Variants in ATG5 observed in about 807,000 individuals in gnomAD.
ATG5 encodes the protein autophagy related 5, also known as autophagy protein 5.
Under a neutral mutation model 36.5 loss-of-function variants are expected in ATG5, and 14 were observed. The ratio of observed to expected loss-of-function variants is 0.38; its 90% CI spans 0.25 to 0.60. The LOEUF is 0.60. Ranked by LOEUF, ATG5 falls within the 20% of genes least tolerant of loss-of-function variation. ATG5 has a pLI of 0.60. For synonymous variants in ATG5, 95 were observed against 101.5 expected, an observed-to-expected ratio of 0.94 and a Z score of 0.38; for missense variants, 195 against 326.7, an observed-to-expected ratio of 0.60 and a Z score of 3.11.
chr6:106,312,424 A>C (rs77116795), intron 2 of ATG5, among the ~76,000 whole-genome samples: 7,030 of 152,164 alleles, frequency 0.046, 211 homozygotes, highest in Non-Finnish European at 0.076. Flanking sequence ...CTAAGTGAGG[A>C]TCTCCAGCAG....
intron 6 of ATG5, among the ~76,000 whole-genome samples, chr6:106,215,417 T>C (rs1422573042): frequency 1.3e-5 from 2 of 152,224 alleles, no homozygotes. Context: ...AACATGGGAA[T>C]ATTTATTATT....
intron 5 of ATG5, among the ~76,000 whole-genome samples, chr6:106,273,568 C>A (rs1485820873): frequency 6.6e-6 from 1 of 152,000 alleles, no homozygotes; most frequent in East Asian, 1.9e-4. Context: ...TTACAGACAT[C>A]ACCTAGGGGA....
chr6:106,260,291 G>C (rs1372503335), intron 5 of ATG5, among the ~76,000 whole-genome samples: 2 of 152,138 alleles, frequency 1.3e-5, no homozygotes, highest in Non-Finnish European at 2.9e-5. Context: ...ACAAAATCTT[G>C]ACATTCTGAG....
intron 5 of ATG5, among the ~76,000 whole-genome samples, chr6:106,264,220 T>C (rs1426486866): frequency 6.6e-6 from 1 of 151,804 alleles, no homozygotes; most frequent in African/African-American, 2.4e-5. Context: ...ATAGCCAAAC[T>C]GATCAAGTGG....
chr6:106,199,445 G>GA (rs981688222), intron 7 of ATG5, among the ~76,000 whole-genome samples: 10 of 152,084 alleles, frequency 6.6e-5, no homozygotes, highest in African/African-American at 2.2e-4. Context: ...ATGTTAAGTG[G>GA]AAAAAAACAG....
intron 6 of ATG5, among the ~76,000 whole-genome samples, chr6:106,211,046 T>C (rs903039825): frequency 6.6e-6 from 1 of 152,240 alleles, no homozygotes; most frequent in Non-Finnish European, 1.5e-5. Flanking sequence ...TGGTCATACA[T>C]ATTGTTTTAC....
At chr6:106,251,679 GAGAA>G (rs1331878422) in intron 5 of ATG5, among the ~76,000 whole-genome samples, 2 of 132,824 alleles carry the variant, frequency 1.5e-5, no homozygotes, top group Non-Finnish European at 3.3e-5. Flanking sequence ...GGGAGGGGGA[GAGAA>G]AGAAAGACAG....
chr6:106,279,933 CT>C, intron 4 of ATG5, 110 bp from the exon 5 acceptor site: 1 of 715,360 alleles, frequency 1.4e-6, no homozygotes, highest in Non-Finnish European at 2.0e-6. Flanking sequence ...TAAACTATCT[CT>C]TAGCACTGAA....
In ATG5 at chr6:106,206,254, TG is replaced by T. The variant is rs368172390; in HGVS notation, c.574-4166del. Among the ~76,000 whole-genome samples the T allele has an allele frequency of 1.1e-3, 18 of 16,060 alleles. No homozygotes were observed. In the South Asian group the frequency reaches 0.012, roughly 10 times the overall value. The allele number at this position is 16,060 out of a possible 152,430, so 10.5% of individuals were successfully genotyped here. On this transcript the variant is annotated intron_variant, in intron 6 of 7. Transcript: ENST00000369076. ...AAGGCTTTTGCCCCTTCTGCCATGT[TG>T]GGGGGGTGGGGGTGGGGGCGCAGCA...
chr6:106,239,116 GCA>G (rs1206090151), intron 6 of ATG5, among the ~76,000 whole-genome samples: 4 of 151,772 alleles, frequency 2.6e-5, no homozygotes, highest in African/African-American at 7.3e-5. Flanking sequence ...TCATTATTCA[GCA>G]CAGTCTTGGT....
At chr6:106,223,316 T>C (rs1777321389) in intron 6 of ATG5, among the ~76,000 whole-genome samples, 1 of 152,110 alleles carries the variant, frequency 6.6e-6, no homozygotes, top group Non-Finnish European at 1.5e-5. Flanking sequence ...TCCTAGAAAA[T>C]AGAAATGTAA....
intron 6 of ATG5, among the ~76,000 whole-genome samples, chr6:106,215,613 T>TA (rs1777005875): frequency 6.6e-6 from 1 of 151,948 alleles, no homozygotes; most frequent in Admixed American, 6.5e-5. Flanking sequence ...TGAATACTAT[T>TA]AAAAATATAT....
intron 7 of ATG5, among the ~76,000 whole-genome samples, chr6:106,197,242 C>T (rs546675340): frequency 6.6e-6 from 1 of 152,244 alleles, no homozygotes; most frequent in African/African-American, 2.4e-5. Flanking sequence ...TCATTTGAGG[C>T]TGGGTGCAGT....
rs1447072698 is a variant in ATG5, at chr6:106,279,723, C to T, written c.416G>A (p.Ser139Asn). The part of the protein sequence containing the change: ...MKEADALKHK[S>N]QVINEMQKKD... ...TTTCTGCATTTCATTGATTACTTGA[C>T]TTTTATGTTTTAAAGCATCAGCTTC... The change falls in exon 5 of 8, where the codon AGT becomes AAT. Residue 139 changes from serine to asparagine, a missense_variant. Transcript: ENST00000369076. The T allele has an allele frequency of 6.2e-7, 1 of 1,608,576 alleles. No homozygotes were observed. The highest frequency in any genetic ancestry group is 8.5e-7 in the Non-Finnish European group (1 of 1,177,408).
chr6:106,284,207 A>G (rs1779989892), intron 4 of ATG5, among the ~76,000 whole-genome samples: 1 of 152,228 alleles, frequency 6.6e-6, no homozygotes, highest in Admixed American at 6.5e-5. Flanking sequence ...TACTAGGAAT[A>G]GAACTGCTGT....
intron 6 of ATG5, among the ~76,000 whole-genome samples, chr6:106,226,455 A>C (rs1056936092): frequency 1.3e-5 from 2 of 152,204 alleles, no homozygotes; most frequent in Non-Finnish European, 1.5e-5. Context: ...AAAGCAGCAG[A>C]AACTGGCCCT....
At position 106,307,756 on chromosome 6, in the gene ATG5, G is replaced by A. The variant is rs201431772; in HGVS notation, c.236+608C>T. On this transcript the variant is annotated intron_variant, in intron 3 of 7. Transcript: ENST00000369076. ...TCTCCATGTTGGTCAGGCTGGTCTCGAACTCCTGGCCCCAGGTGATCCGCC... is the reference window on the plus strand; with the variant it reads ...TCTCCATGTTGGTCAGGCTGGTCTCAAACTCCTGGCCCCAGGTGATCCGCC... 3.3e-5 allele frequency among the ~76,000 whole-genome samples: 5 copies of A among 151,996 alleles called. No individual in the cohort carries two copies. The East Asian group carries it at 5.8e-4, about 18-fold the overall frequency.
intron 1 of ATG5, among the ~76,000 whole-genome samples, chr6:106,317,452 ATTAG>A (rs924816698): frequency 2.6e-5 from 4 of 152,136 alleles, no homozygotes; most frequent in Admixed American, 6.5e-5. Context: ...GTATAAATTA[ATTAG>A]TTAAAGAAAG....
intron 3 of ATG5, among the ~76,000 whole-genome samples, chr6:106,295,339 T>C (rs1238007911): frequency 6.6e-6 from 1 of 152,200 alleles, no homozygotes; most frequent in Non-Finnish European, 1.5e-5. Flanking sequence ...AGTGACACCA[T>C]ATTGCTTTCC....
Sources: allele counts gnomAD v4.1 joint callset (sites outside exome capture counted in the v4.1 genomes callset), GRCh38; gene constraint gnomAD v4.1.1; transcripts MANE v1.5; gene names NCBI Gene and HGNC (gene_info 2026-07-23, HGNC 2026-07-21).